AXDND1: variants seen among roughly 807,000 people sequenced by gnomAD.
AXDND1 encodes the protein axonemal dynein light chain domain-containing protein 1.
A neutral mutation model predicts 137.5 loss-of-function variants in AXDND1; 110 were observed. The ratio of observed to expected loss-of-function variants is 0.80; its 90% CI spans 0.69 to 0.94. AXDND1 has a LOEUF of 0.94. Among genes scored for constraint, AXDND1 ranks in the 40% least tolerant of loss-of-function variants. The pLI, the probability that AXDND1 is intolerant of heterozygous loss-of-function variation, is 0.00. For synonymous variants in AXDND1, 414 were observed against 399.7 expected (o/e 1.04, Z -0.43); for missense variants, 1,191 against 1,169.8 (o/e 1.02, Z -0.26).
intron 20 of AXDND1, among the ~76,000 whole-genome samples, chr1:179,500,685 T>G (rs934684122): frequency 6.6e-6 from 1 of 152,226 alleles, no homozygotes; most frequent in African/African-American, 2.4e-5. Flanking sequence ...TTTATTTTTA[T>G]TTTTTGAGAC....
rs768314782 is a variant in AXDND1 at position 179,534,963 on chromosome 1, G to A, written c.3031+1G>A. On this transcript the variant is annotated splice_donor_variant, in intron 25 of 25. Coordinates refer to ENST00000367618, the MANE Select transcript of AXDND1 (RefSeq NM_144696.6). LOFTEE classifies it high-confidence loss of function. ...AATTCCTCAAAATCTCCAAAGAAAG[G>A]TAAGGATTGCTTCGTATTTTGCTTT... The A allele has an allele frequency of 1.2e-6, 2 of 1,605,686 alleles. No homozygotes were observed. Among genetic ancestry groups the A allele is most frequent in the South Asian group, 1.1e-5 (1 of 88,390 alleles).
At chr1:179,517,402 T>G (rs1265537699) in intron 21 of AXDND1, among the ~76,000 whole-genome samples, 1 of 152,208 alleles carries the variant, frequency 6.6e-6, no homozygotes, top group Non-Finnish European at 1.5e-5. Context: ...AAAAGAGTTT[T>G]GGTTGTTCTT....
At chr1:179,374,396 C>T (rs1445709790) in intron 4 of AXDND1, among the ~76,000 whole-genome samples, 2 of 152,150 alleles carry the variant, frequency 1.3e-5, no homozygotes, top group Non-Finnish European at 2.9e-5. Flanking sequence ...ACTAGTTCAA[C>T]CATTGTGGAA....
intron 16 of AXDND1, among the ~76,000 whole-genome samples, chr1:179,466,241 T>C (rs1364744036): frequency 6.6e-6 from 1 of 151,454 alleles, no homozygotes; most frequent in Non-Finnish European, 1.5e-5. Context: ...TATTCGGCCA[T>C]CTTGGAACCT....
rs566737404 is a variant in AXDND1 at position 179,440,844 on chromosome 1, G to A, written c.1564-4126G>A. Among the ~76,000 whole-genome samples the A allele has an allele frequency of 2.6e-5, 4 of 152,332 alleles. No individual in the cohort carries two copies. In the South Asian group the frequency reaches 8.3e-4, roughly 32 times the overall value. ...TTCTATGCGACCGGCTACATTTACA[G>A]CATAAGCTGAATCACAGACAATGTT... On this transcript the variant is annotated intron_variant, in intron 15 of 25. Coordinates refer to ENST00000367618, the MANE Select transcript of AXDND1 (RefSeq NM_144696.6).
chr1:179,446,737 T>C (rs1659787292), intron 16 of AXDND1, among the ~76,000 whole-genome samples: 1 of 152,234 alleles, frequency 6.6e-6, no homozygotes. Flanking sequence ...CTTAATATGT[T>C]CTGAATACAA....
At chr1:179,374,208 A>G (rs1292864020) in intron 4 of AXDND1, among the ~76,000 whole-genome samples, 1 of 152,258 alleles carries the variant, frequency 6.6e-6, no homozygotes, top group African/African-American at 2.4e-5. Context: ...CATGCAGCCA[A>G]CAGACACATG....
At chr1:179,479,855 A>G (rs865874308) in intron 17 of AXDND1, among the ~76,000 whole-genome samples, 1 of 152,208 alleles carries the variant, frequency 6.6e-6, no homozygotes, top group African/African-American at 2.4e-5. Flanking sequence ...AGTTCCACAA[A>G]TCTCTAAGAC....
At chr1:179,550,079 C>T (rs934783882) in intron 25 of AXDND1, among the ~76,000 whole-genome samples, 6 of 152,224 alleles carry the variant, frequency 3.9e-5, no homozygotes, top group African/African-American at 7.2e-5. Context: ...TTCCATATTT[C>T]GGCACCCCTG....
At chr1:179,369,241 C>T (rs1281838125) in intron 3 of AXDND1, among the ~76,000 whole-genome samples, 2 of 151,986 alleles carry the variant, frequency 1.3e-5, no homozygotes, top group African/African-American at 2.4e-5. Flanking sequence ...CCACACCTGG[C>T]TAATTTTTGT....
chr1:179,427,958 A>AG (rs1305300436), intron 12 of AXDND1, among the ~76,000 whole-genome samples: 2 of 151,614 alleles, frequency 1.3e-5, no homozygotes, highest in African/African-American at 2.4e-5. Flanking sequence ...CCATGTAAAA[A>AG]AAAAAAAAAA....
intron 24 of AXDND1, 128 bp downstream of exon 24, chr1:179,534,005 A>C (rs1671279056): frequency 1.4e-6 from 1 of 690,364 alleles, no homozygotes; most frequent in Non-Finnish European, 2.5e-6. Flanking sequence ...GGGGATGTGT[A>C]TCTCCACATG....
At chr1:179,367,694 G>C (rs1402329727) in intron 2 of AXDND1, among the ~76,000 whole-genome samples, 1 of 152,234 alleles carries the variant, frequency 6.6e-6, no homozygotes, top group East Asian at 1.9e-4. Flanking sequence ...CCAAGATCTT[G>C]CCACTGCACT....
At chr1:179,458,910 AAT>A (rs1661809842) in intron 16 of AXDND1, among the ~76,000 whole-genome samples, 1 of 152,040 alleles carries the variant, frequency 6.6e-6, no homozygotes, top group Non-Finnish European at 1.5e-5. Flanking sequence ...AATAAAGTAA[AAT>A]AACAGATATG....
At chr1:179,411,045 A>G in intron 11 of AXDND1, 101 bp from the exon 12 acceptor site, 1 of 904,916 alleles carries the variant, frequency 1.1e-6, no homozygotes, top group African/African-American at 1.7e-5. Context: ...GTTTTAAAGG[A>G]ACACATTACC....
chr1:179,443,136 C>A (rs1482326831), intron 15 of AXDND1, among the ~76,000 whole-genome samples: 2 of 152,196 alleles, frequency 1.3e-5, no homozygotes, highest in Non-Finnish European at 2.9e-5. Flanking sequence ...TGTCCCTCAG[C>A]AAACCTTTTG....
intron 25 of AXDND1, chr1:179,551,106 T>G: frequency 6.3e-7 from 1 of 1,596,608 alleles, no homozygotes; most frequent in Non-Finnish European, 8.6e-7. Context: ...GAGGACAGAG[T>G]GTCTCCCTCA....
chr1:179,485,887 G>A lies in AXDND1; in HGVS notation c.2091+2666G>A, dbSNP rs557004242. On this transcript the variant is annotated intron_variant, in intron 18 of 25. Transcript: ENST00000367618. ...AATCCCAGCACTTTGGGAGGCTGAG[G>A]TGGGTGGATCGACTGAGGTCAGGAG... Among the ~76,000 whole-genome samples, 235 of 152,174 alleles carry A rather than the reference G, an allele frequency of 1.5e-3. 2 individuals carry two copies. The highest frequency in any genetic ancestry group is 5.4e-3 in the African/African-American group (226 of 41,536).
intron 14 of AXDND1, 22 bp from the exon 15 acceptor site, chr1:179,432,244 CT>C (rs11314780): frequency 0.33 from 427,092 of 1,291,170 alleles, 53,612 homozygotes; most frequent in Non-Finnish European, 0.34. Context: ...AGATGTTTCT[CT>C]TTTTTTTTTT....
Sources: allele counts gnomAD v4.1 joint callset (sites outside exome capture counted in the v4.1 genomes callset), GRCh38; gene constraint gnomAD v4.1.1; transcripts MANE v1.5; gene names NCBI Gene and HGNC (gene_info 2026-07-23, HGNC 2026-07-21).